Variants in ULK1 observed in about 807,000 individuals in gnomAD.
ULK1 encodes the protein serine/threonine-protein kinase ULK1.
A neutral mutation model predicts 117.5 loss-of-function variants in ULK1; 48 were observed. The observed-to-expected ratio is 0.41, with a 90% CI of 0.32 to 0.52. The LOEUF is 0.52. Among genes scored for constraint, ULK1 ranks in the 20% least tolerant of loss-of-function variants. The pLI is 0.29. For missense variants in ULK1, 1,387 were observed against 1,473.4 expected (o/e 0.94, Z 0.96); for synonymous variants, 790 against 637.8 (o/e 1.24, Z -3.60).
chr12:131,912,406 G>T (rs1889580306), intron 13 of ULK1, among the ~76,000 whole-genome samples: 1 of 152,106 alleles, frequency 6.6e-6, no homozygotes, highest in Non-Finnish European at 1.5e-5. Flanking sequence ...CCCCTACCTT[G>T]TTTCTCAGCA....
rs775101442 is a variant in ULK1, at chr12:131,895,761, C to G, written c.205-22C>G. On this transcript the variant is annotated intron_variant, in intron 2 of 27. Coordinates refer to ENST00000321867, the MANE Select transcript of ULK1 (RefSeq NM_003565.4). Reference sequence around the variant, plus strand: ...CAAGCCCCCCTCCCCACACTGATAACAAACTTGGGTTTCTGTCCTAGGAAC... The same window carrying G: ...CAAGCCCCCCTCCCCACACTGATAAGAAACTTGGGTTTCTGTCCTAGGAAC... 55 of 1,613,918 alleles carry G rather than the reference C, an allele frequency of 3.4e-5. No individual in the cohort carries two copies. In the Admixed American group the frequency reaches 9.0e-4, roughly 26 times the overall value.
intron 3 of ULK1, chr12:131,896,995 C>G (rs949261888): frequency 6.6e-6 from 1 of 152,654 alleles, no homozygotes. Flanking sequence ...TGTGACTGTC[C>G]GCACGACCCC....
At chr12:131,909,282 A>C (rs1288437691) in intron 8 of ULK1, 45 bp downstream of exon 8, 12 of 1,515,014 alleles carry the variant, frequency 7.9e-6, no homozygotes, top group Non-Finnish European at 1.1e-5. Context: ...CGTCAGTGCA[A>C]GTGTCCGCCA....
chr12:131,913,874 A>T (rs1325037213), intron 15 of ULK1, 38 bp downstream of exon 15: 1 of 1,457,476 alleles, frequency 6.9e-7, no homozygotes, highest in Admixed American at 2.6e-5. Flanking sequence ...GGGGCTGTGA[A>T]CAGTCCCCCG....
rs113835617 is a variant in ULK1, at chr12:131,908,801, C to T, written c.474C>T (p.Ser158=). The T allele has an allele frequency of 5.0e-6, 8 of 1,606,948 alleles. No homozygotes were observed. The African/African-American group carries it at 5.3e-5, about 11-fold the overall frequency. Residue 158 remains serine (S), a synonymous_variant, in exon 6 of 28, where the codon AGC becomes AGT. Transcript: ENST00000321867. ...NPAGRRANPN[S]IRVKIADFGF... ...CCGGCCGCCGCGCCAACCCCAACAG[C>T]ATCCGCGTCAAGATCGGTCAGCCCG...
Position 131,903,611 on chromosome 12 carries a change from G to A in ULK1, c.247-3281G>A, listed in dbSNP as rs1164566005. Among the ~76,000 whole-genome samples, 4 of 152,286 alleles carry A rather than the reference G, an allele frequency of 2.6e-5. No homozygotes were observed. The highest frequency in any genetic ancestry group is 9.6e-5 in the African/African-American group (4 of 41,556). Reference sequence around the variant, plus strand: ...TCTGAAGCTGTCATCTGTCCCAGGGGAGTTGGGAAGACCCGAATGCCTGTG... The same window carrying A: ...TCTGAAGCTGTCATCTGTCCCAGGGAAGTTGGGAAGACCCGAATGCCTGTG... On this transcript the variant is annotated intron_variant, in intron 3 of 27. Transcript: ENST00000321867. The surrounding 1 kb of genome is among the most constrained non-coding windows in gnomAD (Gnocchi z 6.0).
intron 20 of ULK1, 109 bp from the exon 21 acceptor site, chr12:131,916,843 TG>T: frequency 1.9e-6 from 2 of 1,052,476 alleles, no homozygotes; most frequent in Non-Finnish European, 2.7e-6. Context: ...CCTCTCGAGG[TG>T]GGCCAGGAGA....
At position 131,902,026 on chromosome 12, in the gene ULK1, C is replaced by T. The variant is rs1889112849; in HGVS notation, c.247-4866C>T. Among the ~76,000 whole-genome samples the T allele has an allele frequency of 6.6e-6, 1 of 152,134 alleles. No individual in the cohort carries two copies. The highest frequency in any genetic ancestry group is 2.4e-5 in the African/African-American group (1 of 41,430). ...CCCCTGCGGCTGGCTCCCGGATTGTCCAGACCCCCAGGCCCAGCAGGCGGG... is the reference window on the plus strand; with the variant it reads ...CCCCTGCGGCTGGCTCCCGGATTGTTCAGACCCCCAGGCCCAGCAGGCGGG... On this transcript the variant is annotated intron_variant, in intron 3 of 27. Coordinates refer to ENST00000321867, the MANE Select transcript of ULK1 (RefSeq NM_003565.4). The surrounding 1 kb of genome is among the most constrained non-coding windows in gnomAD (Gnocchi z 6.3).
In ULK1 at chr12:131,921,526, G is replaced by T. The variant is rs1890151352; in HGVS notation, c.*165G>T. ...TGCCGGCCTCCCTGCAGCTCACGGG[G>T]CAGAACCAGCACATCTGGAGCCACA... On this transcript the variant is annotated 3_prime_UTR_variant, in exon 28 of 28. Coordinates refer to ENST00000321867, the MANE Select transcript of ULK1 (RefSeq NM_003565.4). 2.1e-6 allele frequency: 2 copies of T among 972,244 alleles called. No individual in the cohort carries two copies. The highest frequency in any genetic ancestry group is 2.0e-5 in the Admixed American group (1 of 50,454). The allele number at this position is 972,244 out of a possible 1,614,324, so 60.2% of individuals were successfully genotyped here. A position where few individuals can be genotyped will look rare whatever the true frequency, so the allele number is the denominator to read the frequency against.
intron 26 of ULK1, 50 bp from the exon 27 acceptor site, chr12:131,921,050 G>A: frequency 6.5e-7 from 1 of 1,532,696 alleles, no homozygotes. Context: ...GCCCTTGCTG[G>A]GAGGGAGTGG....
chr12:131,912,050 G>A lies in ULK1; in HGVS notation c.1057G>A (p.Asp353Asn). The stretch of plus-strand genomic sequence containing the variant: ...TGGTGGCAGCAAGGACTCTTCCTGT[G>A]ACACAGACGACTTCGTCATGGTCCC... ...DSGGSKDSSC[D>N]TDDFVMVPAQ... The change falls in exon 13 of 28, where the codon GAC becomes AAC. Residue 353 changes from aspartate (D) to asparagine (N), a missense_variant. Physicochemically the swap from Asp to Asn is conservative, Grantham distance 23. Transcript: ENST00000321867. 1 of 1,612,802 alleles carries A rather than the reference G, an allele frequency of 6.2e-7. No individual in the cohort carries two copies. The highest frequency in any genetic ancestry group is 8.5e-7 in the Non-Finnish European group (1 of 1,179,914).
chr12:131,916,085 C>G lies in ULK1; in HGVS notation c.1804C>G (p.Leu602Val), dbSNP rs1055753073. 1.2e-6 allele frequency: 2 copies of G among 1,612,504 alleles called. No homozygotes were observed. Among genetic ancestry groups the G allele is most frequent in the East Asian group, 2.2e-5 (1 of 44,880 alleles). Reference sequence around the variant, plus strand: ...CCACGGCCTGCAGTCCTGCCGGAACCTGCGGGGCTCACCCAAGCTGCCCGA... The same window carrying G: ...CCACGGCCTGCAGTCCTGCCGGAACGTGCGGGGCTCACCCAAGCTGCCCGA... The part of the protein sequence containing the change: ...PSHGLQSCRN[L>V]RGSPKLPDFL... Residue 602 changes from leucine (L) to valine (V), a missense_variant, in exon 19 of 28, where the codon CTG becomes GTG. By Grantham distance (32) the Leu-to-Val change is conservative. Coordinates refer to ENST00000321867, the MANE Select transcript of ULK1 (RefSeq NM_003565.4).
intron 26 of ULK1, 151 bp from the exon 27 acceptor site, chr12:131,920,949 G>T: frequency 8.9e-7 from 1 of 1,129,278 alleles, no homozygotes; most frequent in Non-Finnish European, 1.2e-6. Context: ...CATCCCCTCT[G>T]CACAGCAGGC....
intron 27 of ULK1, 21 bp downstream of exon 27, chr12:131,921,256 G>GAGGCT (rs1217493053): frequency 6.2e-7 from 1 of 1,607,996 alleles, no homozygotes; most frequent in South Asian, 1.1e-5. Flanking sequence ...GGCTGGGCTG[G>GAGGCT]GGGCTGGGGA....
chr12:131,921,088 C>T lies in ULK1; in HGVS notation c.2962-12C>T, dbSNP rs567119723. On this transcript the variant is annotated splice_polypyrimidine_tract_variant and intron_variant, in intron 26 of 27. Transcript: ENST00000321867. The stretch of plus-strand genomic sequence containing the variant: ...TGAGCTGGCCCTGTCCAGCCTCTGT[C>T]CTCGCCCCCAGGTGCAGTCGGCTGC... The T allele has an allele frequency of 5.1e-6, 8 of 1,582,116 alleles. No individual in the cohort carries two copies. In the South Asian group the frequency reaches 6.7e-5, roughly 13 times the overall value.
At position 131,909,885 on chromosome 12, in the gene ULK1, A is replaced by C. The variant is rs1889452935; in HGVS notation, c.726-34A>C. Reference sequence around the variant, plus strand: ...CTTCCCCCGCGGGCTCCGGCCCCGCAGGCCCTGCTCACACCAGCCTCCTCT... The same window carrying C: ...CTTCCCCCGCGGGCTCCGGCCCCGCCGGCCCTGCTCACACCAGCCTCCTCT... On this transcript the variant is annotated intron_variant, in intron 9 of 27. Coordinates refer to ENST00000321867, the MANE Select transcript of ULK1 (RefSeq NM_003565.4). The C allele has an allele frequency of 6.8e-6, 11 of 1,610,262 alleles. No individual in the cohort carries two copies. In the East Asian group the frequency reaches 2.5e-4, roughly 36 times the overall value.
intron 3 of ULK1, chr12:131,906,554 T>G (rs1333803044): frequency 9.0e-6 from 3 of 332,284 alleles, no homozygotes; most frequent in Non-Finnish European, 1.7e-5. Context: ...GCTGAGGAGC[T>G]GAGAAGCTTC....
At chr12:131,907,072 A>G in intron 4 of ULK1, 148 bp downstream of exon 4, 1 of 1,104,794 alleles carries the variant, frequency 9.1e-7, no homozygotes, top group Non-Finnish European at 1.3e-6. Context: ...GCTGGAGTGC[A>G]GTGCTGCGAT....
intron 22 of ULK1, 109 bp from the exon 23 acceptor site, chr12:131,918,388 C>G (rs1452143629): frequency 7.4e-7 from 1 of 1,346,086 alleles, no homozygotes; most frequent in Non-Finnish European, 1.0e-6. Context: ...CAGGTGTAAA[C>G]CGAGGCAGAG....
Sources: allele counts gnomAD v4.1 joint callset (sites outside exome capture counted in the v4.1 genomes callset), GRCh38; gene constraint gnomAD v4.1.1; non-coding constraint Gnocchi (gnomAD v3.1); transcripts MANE v1.5; gene names NCBI Gene and HGNC (gene_info 2026-07-23, HGNC 2026-07-21).